Variants in SYN3 observed in about 807,000 individuals in gnomAD.
SYN3 encodes synapsin-3.
SYN3 carries 35 observed loss-of-function variants against 65.8 expected under a neutral mutation model. The observed-to-expected ratio is 0.53, with a 90% CI of 0.41 to 0.70. The LOEUF (loss-of-function observed/expected upper bound fraction) is 0.70. Ranked by LOEUF, SYN3 falls within the 30% of genes least tolerant of loss-of-function variation. The pLI is 0.00. For missense variants in SYN3, 680 were observed against 749.0 expected (o/e 0.91, Z 1.08); for synonymous variants, 270 against 292.9 (o/e 0.92, Z 0.80).
intron 6 of SYN3, among the ~76,000 whole-genome samples, chr22:32,799,414 G>C (rs1195790484): frequency 1.3e-5 from 2 of 152,182 alleles, no homozygotes; most frequent in Non-Finnish European, 2.9e-5. Context: ...TAATTAAGTA[G>C]CTGCTGGAAA....
chr22:32,523,789 A>C (rs1370444200), intron 12 of SYN3, among the ~76,000 whole-genome samples: 1 of 152,254 alleles, frequency 6.6e-6, no homozygotes, highest in Non-Finnish European at 1.5e-5. Context: ...GAAAGCCAAG[A>C]CAAGCTGAAA....
At chr22:32,889,652 G>A (rs558794714) in intron 4 of SYN3, among the ~76,000 whole-genome samples, 1 of 152,052 alleles carries the variant, frequency 6.6e-6, no homozygotes, top group Admixed American at 6.6e-5. Flanking sequence ...ATACATATAT[G>A]CCATTCTGTA....
At chr22:32,592,870 C>T (rs2059147281) in intron 7 of SYN3, among the ~76,000 whole-genome samples, 1 of 152,194 alleles carries the variant, frequency 6.6e-6, no homozygotes, top group South Asian at 2.1e-4. Context: ...TTCCAATTCT[C>T]AGCATAGAGT....
chr22:32,829,999 C>A (rs188087272), intron 6 of SYN3, among the ~76,000 whole-genome samples: 3 of 152,332 alleles, frequency 2.0e-5, no homozygotes, highest in East Asian at 3.9e-4. Context: ...TGGACTGATA[C>A]CAGTCAATGT....
intron 4 of SYN3, among the ~76,000 whole-genome samples, chr22:32,894,036 C>T (rs1197950056): frequency 6.6e-6 from 1 of 152,144 alleles, no homozygotes; most frequent in Non-Finnish European, 1.5e-5. Flanking sequence ...CCAACTGGAT[C>T]GAGTCTTGTT....
intron 7 of SYN3, among the ~76,000 whole-genome samples, chr22:32,571,406 C>T (rs541592186): frequency 1.3e-5 from 2 of 152,284 alleles, no homozygotes; most frequent in Admixed American, 6.5e-5. Flanking sequence ...CCCTGGCCAC[C>T]AGGGGCAAAG....
chr22:32,650,262 T>TCCCTCCCTCCCTCCCTCCCTCC (rs1569124814), intron 6 of SYN3, among the ~76,000 whole-genome samples: 1 of 73,356 alleles, frequency 1.4e-5, no homozygotes, highest in Admixed American at 2.1e-4. Context: ...TCCCTCCCTC[T>TCCCTCCCTCCCTCCCTCCCTCC]CTCTCTCTCT....
At chr22:32,579,639 A>G (rs1399982398) in intron 7 of SYN3, among the ~76,000 whole-genome samples, 4 of 152,092 alleles carry the variant, frequency 2.6e-5, no homozygotes, top group Non-Finnish European at 5.9e-5. Flanking sequence ...CAAATTCTCA[A>G]AAGCCTTTGC....
intron 12 of SYN3, among the ~76,000 whole-genome samples, chr22:32,522,557 C>A (rs2057903776): frequency 6.6e-6 from 1 of 152,104 alleles, no homozygotes; most frequent in African/African-American, 2.4e-5. Flanking sequence ...CTATAGAATT[C>A]TTGCTGGGTA....
intron 6 of SYN3, among the ~76,000 whole-genome samples, chr22:32,789,627 G>A (rs1210619181): frequency 2.0e-5 from 3 of 152,156 alleles, no homozygotes; most frequent in Non-Finnish European, 4.4e-5. Context: ...ATGTGATTGG[G>A]GAAGCTTCCA....
At chr22:32,628,396 C>T (rs1328129865) in intron 6 of SYN3, among the ~76,000 whole-genome samples, 1 of 151,918 alleles carries the variant, frequency 6.6e-6, no homozygotes, top group Non-Finnish European at 1.5e-5. Context: ...AGGAAGAGGC[C>T]CTGGAAGGAC....
intron 6 of SYN3, among the ~76,000 whole-genome samples, chr22:32,856,897 G>A (rs1452644113): frequency 6.6e-6 from 1 of 152,184 alleles, no homozygotes; most frequent in African/African-American, 2.4e-5. Flanking sequence ...CCACATGAGT[G>A]AGAACATGGT....
intron 4 of SYN3, among the ~76,000 whole-genome samples, chr22:32,871,513 G>A (rs769124894): frequency 8.5e-5 from 13 of 152,280 alleles, no homozygotes; most frequent in Non-Finnish European, 1.5e-4. Flanking sequence ...CTCAAAAGGC[G>A]TCTCTCTTTC....
At chr22:32,944,927 A>T (rs558999429) in intron 3 of SYN3, among the ~76,000 whole-genome samples, 1 of 152,308 alleles carries the variant, frequency 6.6e-6, no homozygotes, top group African/African-American at 2.4e-5. Context: ...ATCATGAGTA[A>T]ACTCCCATTC....
At chr22:33,000,094 G>A (rs1215055874) in intron 2 of SYN3, among the ~76,000 whole-genome samples, 2 of 152,064 alleles carry the variant, frequency 1.3e-5, no homozygotes, top group African/African-American at 4.8e-5. Context: ...GGCTGGGCAC[G>A]GTGGCTCACA....
chr22:32,591,898 C>T (rs1193687779), intron 7 of SYN3, among the ~76,000 whole-genome samples: 3 of 152,224 alleles, frequency 2.0e-5, no homozygotes, highest in Non-Finnish European at 2.9e-5. Flanking sequence ...GCGTCCAGCA[C>T]GTCCATGCTG....
intron 6 of SYN3, among the ~76,000 whole-genome samples, chr22:32,848,645 C>T (rs886959452): frequency 6.6e-6 from 1 of 152,192 alleles, no homozygotes; most frequent in Non-Finnish European, 1.5e-5. Flanking sequence ...ATGTCCAAGA[C>T]AGTATCAAGA....
chr22:32,911,677 G>A (rs1342041390), intron 4 of SYN3, among the ~76,000 whole-genome samples: 2 of 152,106 alleles, frequency 1.3e-5, no homozygotes, highest in African/African-American at 2.4e-5. Context: ...GGCTCTCCCC[G>A]GGAAACTGAA....
chr22:32,999,194 C>T (rs1218234496), intron 2 of SYN3, among the ~76,000 whole-genome samples: 6 of 152,032 alleles, frequency 3.9e-5, no homozygotes, highest in Admixed American at 3.3e-4. Flanking sequence ...CAAGGGAGGT[C>T]GATATTAACA....
Sources: allele counts gnomAD v4.1 joint callset (sites outside exome capture counted in the v4.1 genomes callset), GRCh38; gene constraint gnomAD v4.1.1; transcripts MANE v1.5; gene names NCBI Gene and HGNC (gene_info 2026-07-23, HGNC 2026-07-21).